The following MGAT4C variants were observed in gnomAD, a reference collection of about 807,000 sequenced individuals.
The protein encoded by MGAT4C is alpha-1,3-mannosyl-glycoprotein 4-beta-N-acetylglucosaminyltransferase C.
Under a neutral mutation model 40.1 loss-of-function variants are expected in MGAT4C, and 19 were observed. That is an observed-to-expected ratio of 0.47 (90% CI 0.33 to 0.70). The LOEUF (loss-of-function observed/expected upper bound fraction) is 0.70. MGAT4C is among the 30% of genes least tolerant of loss of function. MGAT4C has a pLI of 0.02. For missense variants in MGAT4C, 491 were observed against 563.2 expected, an observed-to-expected ratio of 0.87 and a Z score of 1.30; for synonymous variants, 181 against 187.1, an observed-to-expected ratio of 0.97 and a Z score of 0.27.
intron 1 of MGAT4C, among the ~76,000 whole-genome samples, chr12:86,139,916 A>T (rs1882590456): frequency 6.6e-6 from 1 of 152,210 alleles, no homozygotes; most frequent in African/African-American, 2.4e-5. Context: ...TTTTACAAAT[A>T]CAAATCTGAT....
intron 1 of MGAT4C, among the ~76,000 whole-genome samples, chr12:86,090,242 C>T (rs931073369): frequency 6.6e-6 from 1 of 151,374 alleles, no homozygotes; most frequent in Non-Finnish European, 1.5e-5. Context: ...TATGATGGTA[C>T]TAAACATATT....
chr12:85,980,462 G>A, intron 4 of MGAT4C, 32 bp from the exon 5 acceptor site: 2 of 1,524,404 alleles, frequency 1.3e-6, no homozygotes, highest in South Asian at 1.3e-5. Flanking sequence ...CAATACAAAT[G>A]TGAACTAGAA....
chr12:86,212,957 T>C (rs1031736943), intron 1 of MGAT4C, among the ~76,000 whole-genome samples: 3 of 149,384 alleles, frequency 2.0e-5, no homozygotes, highest in East Asian at 2.0e-4. Context: ...TTATTGTTTT[T>C]ATAAATGGCA....
In MGAT4C at chr12:86,057,832, A is replaced by G. The variant is rs1469306661; in HGVS notation, c.-56-8109T>C. On this transcript the variant is annotated intron_variant, in intron 1 of 4. Coordinates refer to ENST00000611864, the MANE Select transcript of MGAT4C (RefSeq NM_001351288.2). Reference sequence around the variant, plus strand: ...ATTTTCCCACTAATTGGAGCTTTTAAGGGAAATACTTTAATTCAACAAGAT... The same window carrying G: ...ATTTTCCCACTAATTGGAGCTTTTAGGGGAAATACTTTAATTCAACAAGAT... Among the ~76,000 whole-genome samples the G allele has an allele frequency of 3.9e-5, 6 of 152,200 alleles. 1 individual carries two copies. The highest frequency in any genetic ancestry group is 2.6e-4 in the Admixed American group (4 of 15,256).
At chr12:85,999,556 G>A (rs1290258017) in intron 2 of MGAT4C, among the ~76,000 whole-genome samples, 3 of 139,612 alleles carry the variant, frequency 2.1e-5, no homozygotes, top group African/African-American at 5.4e-5. Context: ...AGATGAATAG[G>A]TAAAGAAAAT....
intron 2 of MGAT4C, among the ~76,000 whole-genome samples, chr12:85,998,001 C>T (rs1320169969): frequency 2.0e-5 from 3 of 152,204 alleles, no homozygotes; most frequent in Non-Finnish European, 4.4e-5. Flanking sequence ...GGGCCCTGCC[C>T]CTGCAGCAAA....
At chr12:86,383,678 A>G (rs1020288831) in intron 3 of MGAT4C, among the ~76,000 whole-genome samples, 1 of 151,888 alleles carries the variant, frequency 6.6e-6, no homozygotes, top group Non-Finnish European at 1.5e-5. Flanking sequence ...GTATTTACCC[A>G]ATGCCTGTAT....
intron 2 of MGAT4C, among the ~76,000 whole-genome samples, chr12:86,015,281 A>G (rs750348728): frequency 8.6e-5 from 13 of 151,654 alleles, no homozygotes; most frequent in Non-Finnish European, 1.6e-4. Context: ...CTAGGAAATG[A>G]AAAAAAGGAA....
At chr12:86,645,570 C>A (rs1361846991) in intron 2 of MGAT4C, among the ~76,000 whole-genome samples, 5 of 151,714 alleles carry the variant, frequency 3.3e-5, no homozygotes, top group Non-Finnish European at 7.4e-5. Flanking sequence ...ATACTCTACA[C>A]TTTCTTAAAT....
At chr12:86,206,906 C>T (rs1285659560) in intron 1 of MGAT4C, among the ~76,000 whole-genome samples, 1 of 152,074 alleles carries the variant, frequency 6.6e-6, no homozygotes, top group African/African-American at 2.4e-5. Context: ...CTTTTTCTTC[C>T]TTTTTAATAA....
At chr12:86,142,612 T>C (rs1053460764) in intron 1 of MGAT4C, among the ~76,000 whole-genome samples, 2 of 152,130 alleles carry the variant, frequency 1.3e-5, no homozygotes, top group African/African-American at 4.8e-5. Flanking sequence ...GCTGAATATA[T>C]AGTAGGGGAT....
chr12:86,535,239 A>G (rs1465526071), intron 2 of MGAT4C, among the ~76,000 whole-genome samples: 1 of 152,132 alleles, frequency 6.6e-6, no homozygotes, highest in Non-Finnish European at 1.5e-5. Context: ...ATTTAACTCA[A>G]TTAAAGCAAC....
Position 86,709,718 on chromosome 12 carries a change from C to T in MGAT4C, c.-229+17491G>A, listed in dbSNP as rs147966895. 2.6e-5 allele frequency among the ~76,000 whole-genome samples: 4 copies of T among 152,192 alleles called. No individual in the cohort carries two copies. The East Asian group carries it at 7.7e-4, about 29-fold the overall frequency. On this transcript the variant is annotated intron_variant, in intron 2 of 7. Transcript: ENST00000548651. ...CAGGAACCTTCCCTCTCTGCCTGAACATTTTAAAATAAGTATTTCTAACTA... is the reference window on the plus strand; with the variant it reads ...CAGGAACCTTCCCTCTCTGCCTGAATATTTTAAAATAAGTATTTCTAACTA...
At chr12:86,048,668 GAA>G (rs1892633157) in intron 2 of MGAT4C, among the ~76,000 whole-genome samples, 1 of 152,006 alleles carries the variant, frequency 6.6e-6, no homozygotes, top group African/African-American at 2.4e-5. Context: ...AGGAGTTCCA[GAA>G]TTGCTGGAAA....
chr12:86,727,895 A>C (rs553751958), intron 1 of MGAT4C, among the ~76,000 whole-genome samples: 2 of 152,128 alleles, frequency 1.3e-5, no homozygotes, highest in African/African-American at 2.4e-5. Context: ...CAGAACAAAA[A>C]AAAGAAACAA....
intron 2 of MGAT4C, among the ~76,000 whole-genome samples, chr12:86,547,974 T>C: frequency 6.6e-6 from 1 of 152,142 alleles, no homozygotes; most frequent in East Asian, 1.9e-4. Flanking sequence ...TTGTGAGAAA[T>C]GTATTCCCAT....
At chr12:86,153,331 A>C (rs544706623) in intron 1 of MGAT4C, among the ~76,000 whole-genome samples, 8 of 152,364 alleles carry the variant, frequency 5.3e-5, no homozygotes, top group African/African-American at 1.9e-4. Flanking sequence ...CAACAAAGTA[A>C]AATATTTAAT....
At chr12:86,489,390 G>A (rs886827279) in intron 2 of MGAT4C, among the ~76,000 whole-genome samples, 2 of 152,098 alleles carry the variant, frequency 1.3e-5, no homozygotes, top group African/African-American at 4.8e-5. Flanking sequence ...AGACCTCTGG[G>A]CACTGCACAA....
intron 2 of MGAT4C, among the ~76,000 whole-genome samples, chr12:86,724,337 T>A (rs1950787928): frequency 6.6e-6 from 1 of 152,202 alleles, no homozygotes; most frequent in Non-Finnish European, 1.5e-5. Flanking sequence ...GCAATTGGTC[T>A]TTGATAAAAT....
Sources: allele counts gnomAD v4.1 joint callset (sites outside exome capture counted in the v4.1 genomes callset), GRCh38; gene constraint gnomAD v4.1.1; transcripts MANE v1.5; gene names NCBI Gene and HGNC (gene_info 2026-07-23, HGNC 2026-07-21).